BACH2: variants seen among roughly 807,000 people sequenced by gnomAD.
The protein encoded by BACH2 is transcription regulator protein BACH2.
A neutral mutation model predicts 61.8 loss-of-function variants in BACH2; 5 were observed. The ratio of observed to expected loss-of-function variants is 0.08; its 90% CI spans 0.04 to 0.17. The LOEUF is 0.17. Among genes scored for constraint, BACH2 ranks in the 10% least tolerant of loss-of-function variants. The probability of loss-of-function intolerance (pLI) is 1.00; values close to 1 mark genes in which losing one functional copy is unlikely to be tolerated. For synonymous variants in BACH2, 446 were observed against 440.1 expected, an observed-to-expected ratio of 1.01 and a Z score of -0.17; for missense variants, 824 against 1,091.1, an observed-to-expected ratio of 0.76 and a Z score of 3.45.
At chr6:90,029,880 T>G (rs1232848489) in intron 5 of BACH2, among the ~76,000 whole-genome samples, 1 of 152,118 alleles carries the variant, frequency 6.6e-6, no homozygotes, top group Admixed American at 6.5e-5. Flanking sequence ...AAACTAATGA[T>G]ATAACCTCCA....
chr6:90,117,099 G>A (rs1047459239), intron 4 of BACH2: 8 of 275,154 alleles, frequency 2.9e-5, no homozygotes, highest in Admixed American at 4.0e-5. Context: ...CGTCTCTCTG[G>A]CCAACTTCTC....
chr6:90,200,222 G>A (rs536289160), intron 4 of BACH2, among the ~76,000 whole-genome samples: 67 of 152,262 alleles, frequency 4.4e-4, no homozygotes, highest in African/African-American at 1.6e-3. Context: ...TTATCTTGCA[G>A]GCAGACAGCC....
intron 4 of BACH2, among the ~76,000 whole-genome samples, chr6:90,107,625 T>C (rs1161212497): frequency 6.6e-6 from 1 of 151,960 alleles, no homozygotes; most frequent in Non-Finnish European, 1.5e-5. Context: ...TCTTCACATA[T>C]TGCTATTGTG....
chr6:90,078,350 G>A (rs1181162580), intron 5 of BACH2, among the ~76,000 whole-genome samples: 1 of 152,042 alleles, frequency 6.6e-6, no homozygotes, highest in East Asian at 1.9e-4. Flanking sequence ...AAAAATTACT[G>A]AATATGCTCA....
chr6:90,198,097 G>A (rs183170110), intron 4 of BACH2, among the ~76,000 whole-genome samples: 2,611 of 152,050 alleles, frequency 0.017, 34 homozygotes, highest in Admixed American at 0.027. Context: ...GCCATGTGAG[G>A]TGCATTAAGT....
chr6:90,279,674 CACG>C (rs1771801175), intron 1 of BACH2, among the ~76,000 whole-genome samples: 1 of 152,182 alleles, frequency 6.6e-6, no homozygotes, highest in Non-Finnish European at 1.5e-5. Context: ...CCTGGTAACA[CACG>C]CTTAAATCAA....
At chr6:90,257,974 C>T (rs1771037769) in intron 2 of BACH2, among the ~76,000 whole-genome samples, 1 of 152,156 alleles carries the variant, frequency 6.6e-6, no homozygotes, top group African/African-American at 2.4e-5. Flanking sequence ...TGGGGTTTCA[C>T]CATGTTGGCC....
At chr6:90,103,029 A>ATATATATATATATATAT in intron 4 of BACH2, among the ~76,000 whole-genome samples, 1 of 21,164 alleles carries the variant, frequency 4.7e-5, no homozygotes, top group African/African-American at 2.4e-4. Context: ...ATATATATAT[A>ATATATATATATATATAT]TTTTTTTTTT....
chr6:90,207,212 C>G (rs7744528), intron 3 of BACH2, among the ~76,000 whole-genome samples: 50,881 of 151,750 alleles, frequency 0.34, 9,788 homozygotes, highest in Non-Finnish European at 0.43. Flanking sequence ...TCAACCTTCT[C>G]GGCTACAGTG....
chr6:90,008,316 T>C lies in BACH2; in HGVS notation c.243+286A>G. ...TCCCACATCTAGGACTGTGCCAAACTTAGGCTGAACCACTCAAAACCTGAA... is the reference window on the plus strand; with the variant it reads ...TCCCACATCTAGGACTGTGCCAAACCTAGGCTGAACCACTCAAAACCTGAA... On this transcript the variant is annotated intron_variant, in intron 6 of 8. Coordinates refer to ENST00000257749, the MANE Select transcript of BACH2 (RefSeq NM_021813.4). The surrounding 1 kb of genome is among the most constrained non-coding windows in gnomAD (Gnocchi z 4.1). The C allele has an allele frequency of 2.1e-6, 1 of 479,150 alleles. No individual in the cohort carries two copies. Among genetic ancestry groups the C allele is most frequent in the Non-Finnish European group, 3.8e-6 (1 of 261,924 alleles). The allele number at this position is 479,150 out of a possible 1,614,324, so 29.7% of individuals were successfully genotyped here. A position where few individuals can be genotyped will look rare whatever the true frequency, so the allele number is the denominator to read the frequency against.
rs1441172646 is a variant in BACH2, at chr6:90,008,916, G to C, written c.-12-60C>G. 4.5e-6 allele frequency: 7 copies of C among 1,571,874 alleles called. No individual in the cohort carries two copies. The African/African-American group carries it at 9.5e-5, about 21-fold the overall frequency. On this transcript the variant is annotated intron_variant, in intron 5 of 8. Coordinates refer to ENST00000257749, the MANE Select transcript of BACH2 (RefSeq NM_021813.4). This position sits in a 1 kb window ranked among gnomAD's most constrained non-coding sequence, Gnocchi z 4.1. ...GAAAGGCTGAGTCACCACAGCTGTA[G>C]GATCAGAGAGAGGAGGTGAGAAAGA...
At chr6:90,106,963 G>T (rs1782949240) in intron 4 of BACH2, among the ~76,000 whole-genome samples, 1 of 152,168 alleles carries the variant, frequency 6.6e-6, no homozygotes, top group Admixed American at 6.5e-5. Context: ...CTGGATAGTT[G>T]TTTCTAGTTC....
chr6:90,029,250 C>T (rs1778814610), intron 5 of BACH2, among the ~76,000 whole-genome samples: 2 of 152,304 alleles, frequency 1.3e-5, no homozygotes, highest in Admixed American at 1.3e-4. Context: ...CAAACTAAGA[C>T]TCCCCGCCCT....
chr6:90,242,477 A>G (rs925375614), intron 3 of BACH2, among the ~76,000 whole-genome samples: 14 of 152,208 alleles, frequency 9.2e-5, no homozygotes, highest in Admixed American at 1.3e-4. Context: ...CAGTTTATCA[A>G]TTCATCTAAT....
At chr6:90,116,288 T>A (rs897601769) in intron 4 of BACH2, among the ~76,000 whole-genome samples, 1 of 152,186 alleles carries the variant, frequency 6.6e-6, no homozygotes, top group East Asian at 1.9e-4. Flanking sequence ...GTGGTACATA[T>A]ACATCATGGA....
At chr6:90,184,722 G>C (rs1044604196) in intron 4 of BACH2, among the ~76,000 whole-genome samples, 15 of 152,262 alleles carry the variant, frequency 9.9e-5, no homozygotes, top group South Asian at 2.1e-4. Context: ...GTCACTCCTG[G>C]GAAGTCCCTG....
chr6:90,030,503 A>G (rs912216259), intron 5 of BACH2, among the ~76,000 whole-genome samples: 4 of 152,188 alleles, frequency 2.6e-5, no homozygotes, highest in African/African-American at 9.6e-5. Context: ...TAGACGCAAT[A>G]AAAAATGACA....
intron 4 of BACH2, among the ~76,000 whole-genome samples, chr6:90,188,843 C>T (rs1444309365): frequency 6.7e-6 from 1 of 150,240 alleles, no homozygotes; most frequent in Admixed American, 6.6e-5. Flanking sequence ...AAAACAACAT[C>T]AGTTTCCAAA....
chr6:90,198,256 C>T (rs1002215637), intron 4 of BACH2, among the ~76,000 whole-genome samples: 6 of 152,228 alleles, frequency 3.9e-5, no homozygotes, highest in Admixed American at 6.5e-5. Context: ...GGCTTGCTTG[C>T]ACCCACAGCT....
Sources: gnomAD v4.1 joint callset for allele counts (sites outside exome capture counted in the v4.1 genomes callset) on GRCh38, gnomAD v4.1.1 for gene constraint, Gnocchi (gnomAD v3.1) non-coding constraint, MANE v1.5 for transcripts, NCBI Gene and HGNC (gene_info 2026-07-23, HGNC 2026-07-21) for gene names.